Variants in SH3GL2 observed in about 807,000 individuals in gnomAD.
SH3GL2 encodes the protein SH3 domain containing GRB2 like 2, endophilin A1.
A neutral mutation model predicts 46.0 loss-of-function variants in SH3GL2; 24 were observed. That is an observed-to-expected ratio of 0.52 (90% confidence interval 0.38 to 0.73). SH3GL2 has a LOEUF of 0.73. Ranked by LOEUF, SH3GL2 falls within the 30% of genes least tolerant of loss-of-function variation. SH3GL2 has a pLI of 0.00. For missense variants in SH3GL2, 413 were observed against 424.2 expected, an observed-to-expected ratio of 0.97 and a Z score of 0.23; for synonymous variants, 196 against 147.1, an observed-to-expected ratio of 1.33 and a Z score of -2.40.
At chr9:17,688,961 G>A (rs1361494346) in intron 1 of SH3GL2, among the ~76,000 whole-genome samples, 1 of 152,068 alleles carries the variant, frequency 6.6e-6, no homozygotes, top group East Asian at 1.9e-4. Context: ...TCCTCTTGAA[G>A]CATACAGAAT....
At chr9:17,668,058 G>A (rs1406368889) in intron 1 of SH3GL2, among the ~76,000 whole-genome samples, 3 of 152,126 alleles carry the variant, frequency 2.0e-5, no homozygotes, top group Non-Finnish European at 4.4e-5. Context: ...TATATGAGCT[G>A]CAAATATTTT....
At chr9:17,681,136 A>C (rs929568390) in intron 1 of SH3GL2, among the ~76,000 whole-genome samples, 1 of 152,170 alleles carries the variant, frequency 6.6e-6, no homozygotes, top group Admixed American at 6.6e-5. Context: ...GGAATCAAAA[A>C]GGGGCTATAT....
chr9:17,776,862 C>G (rs773636268), intron 3 of SH3GL2, among the ~76,000 whole-genome samples: 1 of 152,106 alleles, frequency 6.6e-6, no homozygotes, highest in Admixed American at 6.6e-5. Flanking sequence ...TGGCCATTTT[C>G]AAGCTACCAG....
In SH3GL2 at chr9:17,726,623, C is replaced by T. The variant is rs141997802; in HGVS notation, c.46-20443C>T. Among the ~76,000 whole-genome samples, 408 of 152,192 alleles carry T rather than the reference C, an allele frequency of 2.7e-3. 3 individuals carry two copies. The highest frequency in any genetic ancestry group is 9.3e-3 in the African/African-American group (387 of 41,548). On this transcript the variant is annotated intron_variant, in intron 1 of 8. Coordinates refer to ENST00000380607, the MANE Select transcript of SH3GL2 (RefSeq NM_003026.5). ...AGAGACAACCCAATAGCAGAACAAACAACAGTAGCAGCAACAACAAAAAAT... is the reference window on the plus strand; with the variant it reads ...AGAGACAACCCAATAGCAGAACAAATAACAGTAGCAGCAACAACAAAAAAT...
intron 3 of SH3GL2, among the ~76,000 whole-genome samples, chr9:17,785,058 A>G (rs1823914369): frequency 6.6e-6 from 1 of 152,200 alleles, no homozygotes; most frequent in African/African-American, 2.4e-5. Flanking sequence ...CTTTTATATG[A>G]AAAAGCAAAT....
rs138285046 is a variant in SH3GL2 at position 17,700,391 on chromosome 9, A to C, written c.46-46675A>C. Among the ~76,000 whole-genome samples the C allele has an allele frequency of 1.1e-4, 16 of 152,296 alleles. No individual in the cohort carries two copies. In the East Asian group the frequency reaches 3.1e-3, roughly 29 times the overall value. On this transcript the variant is annotated intron_variant, in intron 1 of 8. Transcript: ENST00000380607. ...CTGTAAATTCAGGGTCTTCAAGCTAAAACTTCCTAAAGCAATACCCTAAGA... is the reference window on the plus strand; with the variant it reads ...CTGTAAATTCAGGGTCTTCAAGCTACAACTTCCTAAAGCAATACCCTAAGA...
chr9:17,785,738 C>T (rs1823937762), intron 3 of SH3GL2, among the ~76,000 whole-genome samples: 1 of 152,106 alleles, frequency 6.6e-6, no homozygotes, highest in Non-Finnish European at 1.5e-5. Flanking sequence ...TTGAAATGTT[C>T]TCTTTGAGGC....
intron 1 of SH3GL2, among the ~76,000 whole-genome samples, chr9:17,706,094 T>C (rs1008275874): frequency 6.6e-6 from 1 of 151,998 alleles, no homozygotes; most frequent in Non-Finnish European, 1.5e-5. Flanking sequence ...ATATATCTAA[T>C]GTAAGAGATC....
chr9:17,705,785 C>T (rs1760591889), intron 1 of SH3GL2, among the ~76,000 whole-genome samples: 2 of 151,924 alleles, frequency 1.3e-5, no homozygotes, highest in South Asian at 4.2e-4. Flanking sequence ...GAACCATAGA[C>T]ATTGGGACCT....
chr9:17,642,783 T>C (rs528081146), intron 1 of SH3GL2, among the ~76,000 whole-genome samples: 6 of 152,332 alleles, frequency 3.9e-5, no homozygotes, highest in African/African-American at 1.2e-4. Flanking sequence ...TCAGGTAGCG[T>C]GATACCTCCA....
intron 1 of SH3GL2, among the ~76,000 whole-genome samples, chr9:17,654,942 G>C (rs151019042): frequency 1.3e-5 from 2 of 152,322 alleles, no homozygotes; most frequent in East Asian, 3.9e-4. Flanking sequence ...TGTGATGGGA[G>C]CTGTGCAGTG....
intron 1 of SH3GL2, among the ~76,000 whole-genome samples, chr9:17,661,084 C>T (rs1407991340): frequency 6.6e-6 from 1 of 152,134 alleles, no homozygotes; most frequent in Non-Finnish European, 1.5e-5. Context: ...ATCGCTTGAA[C>T]CTGGGAGGCA....
chr9:17,625,671 T>C (rs1044371973), intron 1 of SH3GL2, among the ~76,000 whole-genome samples: 1 of 152,260 alleles, frequency 6.6e-6, no homozygotes, highest in Non-Finnish European at 1.5e-5. Context: ...TTCTGCCTCT[T>C]TGTGCTTTCT....
intron 1 of SH3GL2, among the ~76,000 whole-genome samples, chr9:17,628,766 GT>G (rs1819351641): frequency 6.6e-6 from 1 of 151,988 alleles, no homozygotes; most frequent in Admixed American, 6.6e-5. Context: ...GTATTAACGG[GT>G]AAAATCCTGC....
chr9:17,695,094 G>C (rs1016866604), intron 1 of SH3GL2, among the ~76,000 whole-genome samples: 8 of 152,100 alleles, frequency 5.3e-5, no homozygotes, highest in African/African-American at 1.9e-4. Context: ...TACAAGAGAA[G>C]AAAATAATTA....
At chr9:17,659,769 C>A (rs576370006) in intron 1 of SH3GL2, among the ~76,000 whole-genome samples, 6 of 152,216 alleles carry the variant, frequency 3.9e-5, no homozygotes, top group Admixed American at 1.3e-4. Context: ...GACTTTCAAG[C>A]TGAACAAAAA....
chr9:17,667,680 G>A (rs927821916), intron 1 of SH3GL2, among the ~76,000 whole-genome samples: 11 of 152,112 alleles, frequency 7.2e-5, no homozygotes, highest in African/African-American at 2.4e-4. Flanking sequence ...CCTTGAGGTG[G>A]AACTATCGAG....
At chr9:17,643,866 T>C (rs558097924) in intron 1 of SH3GL2, among the ~76,000 whole-genome samples, 45 of 152,060 alleles carry the variant, frequency 3.0e-4, no homozygotes, top group African/African-American at 1.0e-3. Flanking sequence ...AAGAGAGGAG[T>C]CCCTCTTTTT....
intron 3 of SH3GL2, among the ~76,000 whole-genome samples, chr9:17,764,198 T>A (rs1449098880): frequency 6.6e-6 from 1 of 152,182 alleles, no homozygotes; most frequent in Non-Finnish European, 1.5e-5. Flanking sequence ...CACATACATA[T>A]ATGAGTAAGT....
Sources: gnomAD v4.1 joint callset for allele counts (sites outside exome capture counted in the v4.1 genomes callset) on GRCh38, gnomAD v4.1.1 for gene constraint, MANE v1.5 for transcripts, NCBI Gene and HGNC (gene_info 2026-07-23, HGNC 2026-07-21) for gene names.